Variants in CLSTN2 observed in about 807,000 individuals in gnomAD.
The protein encoded by CLSTN2 is calsyntenin 2.
Under a neutral mutation model 101.2 loss-of-function variants are expected in CLSTN2, and 48 were observed. The ratio of observed to expected loss-of-function variants is 0.47; its 90% CI spans 0.38 to 0.60. The LOEUF is 0.60. Ranked by LOEUF, CLSTN2 falls within the 20% of genes least tolerant of loss-of-function variation. The pLI is 0.00. For missense variants in CLSTN2, 1,160 were observed against 1,238.2 expected, an observed-to-expected ratio of 0.94 and a Z score of 0.95; for synonymous variants, 481 against 463.6, an observed-to-expected ratio of 1.04 and a Z score of -0.48.
At chr3:140,518,564 G>A (rs996392889) in intron 8 of CLSTN2, among the ~76,000 whole-genome samples, 1 of 152,180 alleles carries the variant, frequency 6.6e-6, no homozygotes, top group African/African-American at 2.4e-5. Flanking sequence ...CTTCTCTGGT[G>A]ATCTGGACAT....
intron 2 of CLSTN2, among the ~76,000 whole-genome samples, chr3:140,314,612 TAAAAC>T (rs1014865370): frequency 1.3e-5 from 2 of 151,864 alleles, no homozygotes; most frequent in African/African-American, 2.4e-5. Context: ...TTTTAAAACA[TAAAAC>T]AAACAACAAC....
In CLSTN2 at chr3:140,374,574, G is replaced by C. The variant is rs555134854; in HGVS notation, c.233-29055G>C. On this transcript the variant is annotated intron_variant, in intron 2 of 16. Coordinates refer to ENST00000458420, the MANE Select transcript of CLSTN2 (RefSeq NM_022131.3). ...ACAGGAATGAAAAAAGAAGACCCCAGATATTAAATAATATGGTATTACAAA... is the reference window on the plus strand; with the variant it reads ...ACAGGAATGAAAAAAGAAGACCCCACATATTAAATAATATGGTATTACAAA... Among the ~76,000 whole-genome samples the C allele has an allele frequency of 3.3e-5, 5 of 152,218 alleles. No homozygotes were observed. The South Asian group carries it at 1.0e-3, about 32-fold the overall frequency.
At chr3:139,967,000 A>T (rs1421169012) in intron 1 of CLSTN2, among the ~76,000 whole-genome samples, 1 of 152,186 alleles carries the variant, frequency 6.6e-6, no homozygotes, top group Non-Finnish European at 1.5e-5. Context: ...GGCTAGGGGC[A>T]TACACGTGAG....
At chr3:140,128,032 TAATA>T (rs1431464561) in intron 1 of CLSTN2, among the ~76,000 whole-genome samples, 1 of 152,220 alleles carries the variant, frequency 6.6e-6, no homozygotes, top group Non-Finnish European at 1.5e-5. Context: ...TTCTTTGTTC[TAATA>T]AATAATGGAT....
rs144037860 is a variant in CLSTN2, at chr3:140,563,992, C to T, written c.2514C>T (p.Ile838=). The T allele has an allele frequency of 1.6e-5, 26 of 1,614,038 alleles. No individual in the cohort carries two copies. In the African/African-American group the frequency reaches 2.5e-4, roughly 16 times the overall value. ...VVPSIATVVI[I]ISVCMLVFVV... ...CAAGCATTGCCACAGTGGTCATCAT[C>T]ATCTCCGTGTGCATGCTTGTGTTTG... is the stretch of plus-strand genomic sequence containing the variant. Residue 838 remains isoleucine, a synonymous_variant, in exon 16 of 17, where the codon ATC becomes ATT. Coordinates refer to ENST00000458420, the MANE Select transcript of CLSTN2 (RefSeq NM_022131.3).
chr3:140,325,096 C>G (rs1325664612), intron 2 of CLSTN2, among the ~76,000 whole-genome samples: 1 of 152,142 alleles, frequency 6.6e-6, no homozygotes, highest in African/African-American at 2.4e-5. Context: ...CAAGGTCTCA[C>G]TATATTACTC....
chr3:140,214,120 A>G (rs2010891846), intron 2 of CLSTN2, among the ~76,000 whole-genome samples: 1 of 152,078 alleles, frequency 6.6e-6, no homozygotes, highest in Non-Finnish European at 1.5e-5. Flanking sequence ...AGATAGGGTT[A>G]TCCGAGCCTC....
rs528625535 is a variant in CLSTN2 at position 139,956,131 on chromosome 3, TCTCAGAGAG to T, written c.109+20651_109+20659del. ...CTATTTTCCAGTTATGGAAACTGAG[TCTCAGAGAG>T]CTTCAGAAAGTCCATAAGTAGTGGT... On this transcript the variant is annotated intron_variant, in intron 1 of 16. Transcript: ENST00000458420. Among the ~76,000 whole-genome samples, 195 of 152,308 alleles carry T rather than the reference TCTCAGAGAG, an allele frequency of 1.3e-3. 2 individuals carry two copies. The highest frequency in any genetic ancestry group is 4.6e-3 in the African/African-American group (190 of 41,560).
intron 2 of CLSTN2, among the ~76,000 whole-genome samples, chr3:140,392,222 A>C (rs2088122818): frequency 6.6e-6 from 1 of 151,180 alleles, no homozygotes; most frequent in Non-Finnish European, 1.5e-5. Flanking sequence ...ACATTTAAAA[A>C]AAAGAAATAG....
rs539946839 is a variant in CLSTN2 at position 140,199,057 on chromosome 3, C to A, written c.232+22984C>A. 8.1e-4 allele frequency among the ~76,000 whole-genome samples: 124 copies of A among 152,318 alleles called. 1 individual carries two copies. Among genetic ancestry groups the A allele is most frequent in the African/African-American group, 2.8e-3 (116 of 41,570 alleles). On this transcript the variant is annotated intron_variant, in intron 2 of 16. Transcript: ENST00000458420. ...TATTTTCTCATATTCCATGGAGATTCTAACTCTGAGCCTTTCTCTCAAGTC... is the reference window on the plus strand; with the variant it reads ...TATTTTCTCATATTCCATGGAGATTATAACTCTGAGCCTTTCTCTCAAGTC...
intron 2 of CLSTN2, among the ~76,000 whole-genome samples, chr3:140,378,030 A>G (rs986690429): frequency 6.6e-6 from 1 of 152,178 alleles, no homozygotes; most frequent in Admixed American, 6.5e-5. Context: ...TTACTATTTT[A>G]TTATAATTTC....
intron 8 of CLSTN2, among the ~76,000 whole-genome samples, chr3:140,509,712 A>G (rs750655047): frequency 6.6e-6 from 1 of 152,156 alleles, no homozygotes; most frequent in Admixed American, 6.5e-5. Flanking sequence ...GAGACAGCAC[A>G]GGGAATGCAC....
chr3:140,562,113 A>G (rs772405575), intron 12 of CLSTN2, 25 bp from the exon 13 acceptor site: 1 of 1,610,280 alleles, frequency 6.2e-7, no homozygotes, highest in South Asian at 1.1e-5. Flanking sequence ...TCATGCCTGC[A>G]TTTCCCATGT....
intron 1 of CLSTN2, among the ~76,000 whole-genome samples, chr3:140,128,245 A>G (rs908401062): frequency 6.6e-6 from 1 of 152,164 alleles, no homozygotes; most frequent in Admixed American, 6.5e-5. Flanking sequence ...AAGAAAAAGG[A>G]AAAAATAAGA....
intron 1 of CLSTN2, among the ~76,000 whole-genome samples, chr3:139,975,913 G>A (rs1482281767): frequency 5.3e-5 from 8 of 152,182 alleles, no homozygotes; most frequent in African/African-American, 1.7e-4. Context: ...TTTTGACACC[G>A]TACTACATGT....
At chr3:140,559,560 A>AGGGGGGGG (rs1299690699) in intron 12 of CLSTN2, among the ~76,000 whole-genome samples, 3 of 135,572 alleles carry the variant, frequency 2.2e-5, no homozygotes, top group South Asian at 2.6e-4. Context: ...GGCGGGGGTC[A>AGGGGGGGG]GGGGGGCGGG....
At chr3:140,430,436 C>T (rs2088615958) in intron 5 of CLSTN2, among the ~76,000 whole-genome samples, 1 of 152,090 alleles carries the variant, frequency 6.6e-6, no homozygotes, top group South Asian at 2.1e-4. Flanking sequence ...TTTCATAGCA[C>T]ATTAAAATTA....
At chr3:140,242,924 C>A in intron 2 of CLSTN2, among the ~76,000 whole-genome samples, 1 of 152,212 alleles carries the variant, frequency 6.6e-6, no homozygotes, top group East Asian at 1.9e-4. Flanking sequence ...GCCACACATG[C>A]GCTCATGGCT....
chr3:140,145,226 C>T (rs1017206149), intron 1 of CLSTN2, among the ~76,000 whole-genome samples: 2 of 152,216 alleles, frequency 1.3e-5, no homozygotes, highest in Non-Finnish European at 2.9e-5. Flanking sequence ...GGCTAGAGCT[C>T]AGGCTATGTC....
Sources: allele counts gnomAD v4.1 joint callset (sites outside exome capture counted in the v4.1 genomes callset), GRCh38; gene constraint gnomAD v4.1.1; transcripts MANE v1.5; gene names NCBI Gene and HGNC (gene_info 2026-07-23, HGNC 2026-07-21).